The following NOP9 variants were observed in gnomAD, a reference collection of about 807,000 sequenced individuals.
The protein encoded by NOP9 is NOP9 nucleolar protein, also known as nucleolar protein 9.
A neutral mutation model predicts 63.0 loss-of-function variants in NOP9; 50 were observed. The observed-to-expected ratio is 0.79, with a 90% CI of 0.63 to 1.00. The LOEUF (loss-of-function observed/expected upper bound fraction) is 1.00. Among genes scored for constraint, NOP9 ranks in the 50% least tolerant of loss-of-function variants. NOP9 has a pLI of 0.00. For synonymous variants in NOP9, 343 were observed against 332.8 expected, an observed-to-expected ratio of 1.03 and a Z score of -0.33; for missense variants, 758 against 803.0, an observed-to-expected ratio of 0.94 and a Z score of 0.68.
At chr14:24,291,639 GC>G in the NOP9 span, 1 of 1,613,336 alleles carries the variant, frequency 6.2e-7, no homozygotes, top group South Asian at 1.1e-5. Context: ...AAACACAGGG[GC>G]AGAGAAGTGA....
Position 24,307,068 on chromosome 14 carries a change from G to A in NOP9, c.*1973G>A, listed in dbSNP as rs1566417486. 1 of 308,712 alleles carries A rather than the reference G, an allele frequency of 3.2e-6. No individual in the cohort carries two copies. The highest frequency in any genetic ancestry group is 6.0e-5 in the East Asian group (1 of 16,744). The allele number at this position is 308,712 out of a possible 1,614,324, so 19.1% of individuals were successfully genotyped here. Reference sequence around the variant, plus strand: ...CAACTTCCCAAGGTTTGACAGGCAGGAAGTGGCAGAATCAGAATTTGAACT... The same window carrying A: ...CAACTTCCCAAGGTTTGACAGGCAGAAAGTGGCAGAATCAGAATTTGAACT... On this transcript the variant is annotated 3_prime_UTR_variant, in exon 10 of 10. Coordinates refer to ENST00000267425, the MANE Select transcript of NOP9 (RefSeq NM_174913.3).
intron 9 of NOP9, 90 bp from the exon 10 acceptor site, chr14:24,304,848 C>T: frequency 7.1e-7 from 1 of 1,414,402 alleles, no homozygotes; most frequent in Non-Finnish European, 9.5e-7. Flanking sequence ...GTGGCAGTCC[C>T]AGGGTCTGGG....
the NOP9 span, among the ~76,000 whole-genome samples, chr14:24,287,929 T>C: frequency 6.6e-6 from 1 of 152,204 alleles, no homozygotes; most frequent in African/African-American, 2.4e-5. Context: ...TTCCCCAAAA[T>C]GTCCTAGTGC....
chr14:24,296,476 A>C (rs2041249363), upstream of NOP9: 14 of 1,611,072 alleles, frequency 8.7e-6, no homozygotes, highest in Non-Finnish European at 1.2e-5. Context: ...TAAGTGAGTG[A>C]GGGAACATGG....
At chr14:24,275,934 T>G in the NOP9 span, among the ~76,000 whole-genome samples, 8 of 152,214 alleles carry the variant, frequency 5.3e-5, no homozygotes, top group Non-Finnish European at 1.0e-4. Flanking sequence ...CCGATAGAAC[T>G]TTCTGTGACA....
the NOP9 span, chr14:24,290,586 G>C: frequency 2.5e-6 from 1 of 402,978 alleles, no homozygotes; most frequent in Non-Finnish European, 4.6e-6. Context: ...AGAATCAGCA[G>C]TCAAAAACAC....
chr14:24,281,615 C>T, the NOP9 span, among the ~76,000 whole-genome samples: 2 of 152,110 alleles, frequency 1.3e-5, no homozygotes, highest in South Asian at 2.1e-4. Flanking sequence ...TCCCTGGAAG[C>T]GGGCAAAGCA....
At chr14:24,303,883 G>C in intron 7 of NOP9, 26 bp downstream of exon 7, 1 of 1,611,334 alleles carries the variant, frequency 6.2e-7, no homozygotes, top group Middle Eastern at 1.7e-4. Context: ...GGCCAAGCCA[G>C]TGACTAATTG....
chr14:24,286,874 G>C, the NOP9 span, among the ~76,000 whole-genome samples: 1 of 151,152 alleles, frequency 6.6e-6, no homozygotes, highest in Non-Finnish European at 1.5e-5. Context: ...TTACAGGTGT[G>C]TGTGAGCCAC....
At chr14:24,292,791 G>C in the NOP9 span, 1 of 1,609,190 alleles carries the variant, frequency 6.2e-7, no homozygotes, top group Non-Finnish European at 8.5e-7. Context: ...GCCTCTAGAA[G>C]GTGGGGCAAG....
At chr14:24,292,606 A>T in the NOP9 span, 1 of 1,614,136 alleles carries the variant, frequency 6.2e-7, no homozygotes, top group South Asian at 1.1e-5. Context: ...TATAGGTAAC[A>T]TCACTGTCTT....
At position 24,300,677 on chromosome 14, in the gene NOP9, G is replaced by C; in HGVS notation, c.517G>C (p.Asp173His). Residue 173 changes from aspartate to histidine, a missense_variant, in exon 2 of 10, where the codon GAT becomes CAT. By Grantham distance (81) the Asp-to-His change is moderately conservative. Transcript: ENST00000267425. Reference protein sequence around the residue: ...EEEEEEEDGKDGPTETLEELV... With the variant: ...EEEEEEEDGKHGPTETLEELV... ...GGAGGAGGAGGAGGAGGATGGAAAG[G>C]ATGGTCCCACGGAGACCCTGGAGGA... is the stretch of plus-strand genomic sequence containing the variant. 6.2e-7 allele frequency: 1 copy of C among 1,614,032 alleles called. No homozygotes were observed. The highest frequency in any genetic ancestry group is 8.5e-7 in the Non-Finnish European group (1 of 1,180,028).
chr14:24,291,454 CAT>C, the NOP9 span: 1 of 1,306,070 alleles, frequency 7.7e-7, no homozygotes, highest in African/African-American at 1.5e-5. Context: ...AAAAGAATGA[CAT>C]GTTCCTCAAC....
the NOP9 span, among the ~76,000 whole-genome samples, chr14:24,288,773 C>T: frequency 3.3e-5 from 5 of 152,192 alleles, no homozygotes; most frequent in African/African-American, 1.2e-4. Context: ...CCATGCTTCC[C>T]TCATAATATC....
At position 24,300,492 on chromosome 14, in the gene NOP9, A is replaced by G. The variant is rs138108727; in HGVS notation, c.332A>G (p.Gln111Arg). ...AACAGGACTGGCAGTGAGATGCTGC[A>G]GGAACTGTTGGGATTCAGTCCCTTG... is the stretch of plus-strand genomic sequence containing the variant. ...STNRTGSEMLQELLGFSPLKP... is the reference protein window; with the variant it reads ...STNRTGSEMLRELLGFSPLKP... Residue 111 changes from glutamine (Q) to arginine (R), a missense_variant, in exon 2 of 10, where the codon CAG becomes CGG. Transcript: ENST00000267425. The G allele has an allele frequency of 1.5e-4, 238 of 1,614,260 alleles. 1 individual carries two copies. In the Middle Eastern group the frequency reaches 1.5e-3, roughly 10 times the overall value.
At chr14:24,278,355 G>A in the NOP9 span, among the ~76,000 whole-genome samples, 2 of 152,202 alleles carry the variant, frequency 1.3e-5, no homozygotes, top group Non-Finnish European at 2.9e-5. Flanking sequence ...TGGTTGTAAC[G>A]GATAGGACAT....
rs535979928 is a variant in NOP9, at chr14:24,307,966, C to G, written c.*2871C>G. ...ACAAACCTGGGATCTCAGCCCAGGA[C>G]AAGGTGGGAATGAGTCAAGCCTGGA... On this transcript the variant is annotated 3_prime_UTR_variant, in exon 10 of 10. Coordinates refer to ENST00000267425, the MANE Select transcript of NOP9 (RefSeq NM_174913.3). The G allele has an allele frequency of 1.9e-3, 2,007 of 1,056,908 alleles. 4 individuals carry two copies. The highest frequency in any genetic ancestry group is 2.9e-3 in the Middle Eastern group (14 of 4,804). The allele number at this position is 1,056,908 out of a possible 1,614,324, so 65.5% of individuals were successfully genotyped here.
chr14:24,291,141 TC>T, the NOP9 span: 12 of 1,613,928 alleles, frequency 7.4e-6, no homozygotes, highest in Non-Finnish European at 9.3e-6. Flanking sequence ...GTCCTCACCG[TC>T]CACATCCCGA....
chr14:24,284,084 C>T, the NOP9 span, among the ~76,000 whole-genome samples: 2 of 152,184 alleles, frequency 1.3e-5, no homozygotes, highest in Admixed American at 1.3e-4. Context: ...TCTTGGTTGC[C>T]TGCAGGCAGG....
Sources: allele counts gnomAD v4.1 joint callset (sites outside exome capture counted in the v4.1 genomes callset), GRCh38; gene constraint gnomAD v4.1.1; transcripts MANE v1.5; gene names NCBI Gene and HGNC (gene_info 2026-07-23, HGNC 2026-07-21).